Variants in OR1L6 observed in about 807,000 individuals in gnomAD.
OR1L6 encodes the protein olfactory receptor family 1 subfamily L member 6.
Under a neutral mutation model 3.0 loss-of-function variants are expected in OR1L6, and 2 were observed. The observed-to-expected ratio is 0.68, with a 90% confidence interval of 0.28 to 2.13. The LOEUF is 2.13. OR1L6 is among the 30% of genes most tolerant of loss of function. The probability of loss-of-function intolerance (pLI) is 0.14; values close to 1 mark genes in which losing one functional copy is unlikely to be tolerated. For synonymous variants in OR1L6, 121 were observed against 148.4 expected, an observed-to-expected ratio of 0.82 and a Z score of 1.34; for missense variants, 304 against 378.4, an observed-to-expected ratio of 0.80 and a Z score of 1.63.
rs751854135 is a variant in OR1L6 at position 122,749,978 on chromosome 9, T to C, written c.131T>C (p.Val44Ala). ...TACCTGCTCGCTGCGGTGGGGAATG[T>C]GCTCATCATCCCGGCCATCTACTCT... ...IMYLLAAVGN[V>A]LIIPAIYSDP... is the part of the protein sequence containing the mutation. The change falls in exon 2 of 2, where the codon GTG becomes GCG. Residue 44 changes from valine to alanine, a missense_variant. Around this residue, in one of 3 missense-constraint regions of OR1L6, gnomAD observed 192 missense variants for 242.7 expected, o/e 0.79. Transcript: ENST00000304720. The C allele has an allele frequency of 6.2e-7, 1 of 1,614,152 alleles. No homozygotes were observed. The highest frequency in any genetic ancestry group is 1.1e-5 in the South Asian group (1 of 91,074).
chr9:122,748,594 G>A (rs896266730), intron 1 of OR1L6, among the ~76,000 whole-genome samples: 8 of 152,052 alleles, frequency 5.3e-5, no homozygotes, highest in African/African-American at 7.2e-5. Context: ...ATTGTGCAGC[G>A]GTCAAGTTAG....
intron 1 of OR1L6, among the ~76,000 whole-genome samples, chr9:122,743,385 A>C (rs1425605653): frequency 6.6e-6 from 1 of 152,238 alleles, no homozygotes; most frequent in Non-Finnish European, 1.5e-5. Flanking sequence ...GTAGGAAATA[A>C]GAAATTAGGC....
chr9:122,750,578 C>T lies in OR1L6; in HGVS notation c.731C>T (p.Ser244Phe), dbSNP rs981405962. The change falls in exon 2 of 2, where the codon TCC becomes TTC. Residue 244 changes from serine to phenylalanine, a missense_variant. Coordinates refer to ENST00000304720, the MANE Select transcript of OR1L6 (RefSeq NM_001004453.3). ...GKWKAFSTCGSHLTAVALFYG... is the reference protein window; with the variant it reads ...GKWKAFSTCGFHLTAVALFYG... ...TGGAAGGCCTTCTCTACCTGTGGCT[C>T]CCACCTCACTGCAGTAGCCCTTTTC... The T allele has an allele frequency of 1.2e-6, 2 of 1,613,790 alleles. No homozygotes were observed. Among genetic ancestry groups the T allele is most frequent in the African/African-American group, 2.7e-5 (2 of 74,826 alleles).
intron 1 of OR1L6, among the ~76,000 whole-genome samples, chr9:122,742,953 C>G (rs1828804503): frequency 6.6e-6 from 1 of 152,292 alleles, no homozygotes; most frequent in East Asian, 1.9e-4. Context: ...CTCCTTGTCT[C>G]TAGAATCACG....
intron 1 of OR1L6, among the ~76,000 whole-genome samples, chr9:122,744,639 G>T (rs1406186879): frequency 2.0e-5 from 3 of 152,110 alleles, no homozygotes; most frequent in Non-Finnish European, 2.9e-5. Flanking sequence ...GTCTCTCCTG[G>T]TCCTTCCCAA....
chr9:122,742,788 G>A (rs1200879911), intron 1 of OR1L6, among the ~76,000 whole-genome samples: 2 of 152,194 alleles, frequency 1.3e-5, no homozygotes, highest in Non-Finnish European at 2.9e-5. Context: ...TCTGTAAAAT[G>A]GAGTTGTTGT....
intron 1 of OR1L6, among the ~76,000 whole-genome samples, chr9:122,749,410 T>A (rs934804813): frequency 6.6e-6 from 1 of 152,230 alleles, no homozygotes; most frequent in African/African-American, 2.4e-5. Context: ...ATTGAAAATC[T>A]TCAGTTTCTA....
chr9:122,749,828 T>G lies in OR1L6; in HGVS notation c.-13-7T>G, dbSNP rs1828871825. ...TCTCTCCCACTGCTTCTCCAAACCC[T>G]ATCCAGGAAGTCCAGAGACATGGAG... On this transcript the variant is annotated splice_polypyrimidine_tract_variant and splice_region_variant and intron_variant, in intron 1 of 1. Transcript: ENST00000304720. 1 of 1,613,506 alleles carries G rather than the reference T, an allele frequency of 6.2e-7. No homozygotes were observed. The highest frequency in any genetic ancestry group is 1.3e-5 in the African/African-American group (1 of 74,918).
chr9:122,748,598 A>C (rs1259944054), intron 1 of OR1L6, among the ~76,000 whole-genome samples: 1 of 152,104 alleles, frequency 6.6e-6, no homozygotes, highest in Admixed American at 6.5e-5. Flanking sequence ...TGCAGCGGTC[A>C]AGTTAGGGTC....
Position 122,749,870 on chromosome 9 carries a change from G to A in OR1L6, c.23G>A (p.Ser8Asn). ...GACATGGAGATAAAGAACTACAGCA[G>A]CAGCACCTCAGGCTTCATCCTCCTG... Reference protein sequence around the residue: MEIKNYSSSTSGFILLGL... With the variant: MEIKNYSNSTSGFILLGL... The change falls in exon 2 of 2, where the codon AGC (serine) becomes AAC (asparagine). Residue 8 changes from serine (S) to asparagine (N), a missense_variant. By Grantham distance (46) the Ser-to-Asn change is conservative. This residue lies in a region of OR1L6 where 192 missense variants were observed against 242.7 expected (regional missense o/e 0.79). Coordinates refer to ENST00000304720, the MANE Select transcript of OR1L6 (RefSeq NM_001004453.3). 1 of 1,614,172 alleles carries A rather than the reference G, an allele frequency of 6.2e-7. No homozygotes were observed. The highest frequency in any genetic ancestry group is 1.6e-4 in the Middle Eastern group (1 of 6,062).
rs142557976 is a variant in OR1L6 at position 122,750,344 on chromosome 9, G to A, written c.497G>A (p.Arg166His). Residue 166 changes from arginine (R) to histidine (H), a missense_variant, in exon 2 of 2, where the codon CGC (arginine) becomes CAC (histidine). Physicochemically the swap from Arg to His is conservative, Grantham distance 29. This residue lies in a region of OR1L6 where 192 missense variants were observed against 242.7 expected (regional missense o/e 0.79). Coordinates refer to ENST00000304720, the MANE Select transcript of OR1L6 (RefSeq NM_001004453.3). ...HSLFRVLLMS[R>H]LSFCASHIIK... is the part of the protein sequence containing the mutation. ...CTGTTCCGCGTGCTACTTATGTCTC[G>A]CTTGTCTTTCTGTGCCTCTCACATC... The A allele has an allele frequency of 3.7e-6, 6 of 1,613,424 alleles. No individual in the cohort carries two copies. The highest frequency in any genetic ancestry group is 1.7e-5 in the Admixed American group (1 of 59,940).
chr9:122,745,407 C>CT (rs1444324351), intron 1 of OR1L6, among the ~76,000 whole-genome samples: 4 of 68,404 alleles, frequency 5.8e-5, no homozygotes, highest in African/African-American at 1.2e-4. Flanking sequence ...AATAAACACA[C>CT]CTTTTTTTTT....
At chr9:122,744,968 A>T (rs1828820839) in intron 1 of OR1L6, among the ~76,000 whole-genome samples, 1 of 152,222 alleles carries the variant, frequency 6.6e-6, no homozygotes, top group African/African-American at 2.4e-5. Flanking sequence ...GCCAAGGGTG[A>T]TGAGATAGCC....
intron 1 of OR1L6, among the ~76,000 whole-genome samples, chr9:122,742,923 G>A (rs1318521224): frequency 6.6e-6 from 1 of 152,170 alleles, no homozygotes; most frequent in Non-Finnish European, 1.5e-5. Flanking sequence ...CAAGGACTGG[G>A]CCCCTCCAGA....
chr9:122,746,854 G>A (rs1828842580), intron 1 of OR1L6, among the ~76,000 whole-genome samples: 1 of 152,076 alleles, frequency 6.6e-6, no homozygotes, highest in Admixed American at 6.5e-5. Context: ...TGGTAACTGT[G>A]TTGCAAATAT....
intron 1 of OR1L6, among the ~76,000 whole-genome samples, chr9:122,743,066 A>G (rs1388209054): frequency 1.3e-5 from 2 of 152,204 alleles, no homozygotes; most frequent in African/African-American, 2.4e-5. Flanking sequence ...GAGAATCCAC[A>G]GCCCCTTCCT....
In OR1L6 at chr9:122,750,607, G is replaced by A. The variant is rs2118912655; in HGVS notation, c.760G>A (p.Gly254Arg). 4 of 1,614,114 alleles carry A rather than the reference G, an allele frequency of 2.5e-6. No individual in the cohort carries two copies. Among genetic ancestry groups the A allele is most frequent in the Middle Eastern group, 1.6e-4 (1 of 6,062 alleles). The stretch of plus-strand genomic sequence containing the variant: ...CCTCACTGCAGTAGCCCTTTTCTAT[G>A]GGAGTATTATTTATGTCTATTTTAG... ...SHLTAVALFY[G>R]SIIYVYFRPL... The change falls in exon 2 of 2, where the codon GGG (glycine) becomes AGG (arginine). Residue 254 changes from glycine to arginine, a missense_variant. Gly to Arg is a moderately radical substitution (Grantham distance 125, BLOSUM62 -2). Coordinates refer to ENST00000304720, the MANE Select transcript of OR1L6 (RefSeq NM_001004453.3).
intron 1 of OR1L6, 90 bp from the exon 2 acceptor site, chr9:122,749,745 C>G: frequency 8.4e-7 from 1 of 1,192,510 alleles, no homozygotes; most frequent in Non-Finnish European, 1.2e-6. Flanking sequence ...GGGCTATGAG[C>G]TATTTTTACA....
Position 122,750,105 on chromosome 9 carries a change from T to C in OR1L6, c.258T>C (p.Phe86=), listed in dbSNP as rs781589856. 1.4e-5 allele frequency: 23 copies of C among 1,614,070 alleles called. No homozygotes were observed. The South Asian group carries it at 2.3e-4, about 16-fold the overall frequency. ...TVIVPKMLVN[F]LSETKVISYV... Reference sequence around the variant, plus strand: ...TAGTGCCTAAGATGCTGGTGAATTTTCTATCAGAGACAAAGGTTATCTCCT... The same window carrying C: ...TAGTGCCTAAGATGCTGGTGAATTTCCTATCAGAGACAAAGGTTATCTCCT... The change falls in exon 2 of 2, where the codon TTT becomes TTC. Residue 86 remains phenylalanine (F), a synonymous_variant. Transcript: ENST00000304720.
Sources: gnomAD v4.1 joint callset for allele counts (sites outside exome capture counted in the v4.1 genomes callset) on GRCh38, gnomAD v4.1.1 for gene constraint, gnomAD v4.1.1 regional missense constraint, MANE v1.5 for transcripts, NCBI Gene and HGNC (gene_info 2026-07-23, HGNC 2026-07-21) for gene names.